AKR1B10: variants seen among roughly 807,000 people sequenced by gnomAD.
AKR1B10 encodes the protein aldo-keto reductase family 1 member B10.
A neutral mutation model predicts 38.9 loss-of-function variants in AKR1B10; 39 were observed. The observed-to-expected ratio is 1.00, with a 90% CI of 0.78 to 1.31. The LOEUF (loss-of-function observed/expected upper bound fraction) is 1.31, where lower values mean the gene tolerates loss of function less well. Ranked by LOEUF, AKR1B10 falls within the 50% of genes most tolerant of loss-of-function variation. The pLI, the probability that AKR1B10 is intolerant of heterozygous loss-of-function variation, is 0.00. For missense variants in AKR1B10, 361 were observed against 382.6 expected, an observed-to-expected ratio of 0.94 and a Z score of 0.47; for synonymous variants, 148 against 141.2, an observed-to-expected ratio of 1.05 and a Z score of -0.34.
chr7:134,531,066 G>A (rs1008151182), intron 2 of AKR1B10, among the ~76,000 whole-genome samples: 2 of 152,184 alleles, frequency 1.3e-5, no homozygotes, highest in Non-Finnish European at 1.5e-5. Flanking sequence ...ACTGCCCTGG[G>A]CCTCCCTGTT....
At chr7:134,535,608 T>TTTA in intron 4 of AKR1B10, 34 of 880,672 alleles carry the variant, frequency 3.9e-5, no homozygotes, top group Non-Finnish European at 4.0e-5. Context: ...TTTTTTTTTT[T>TTTA]CTTTTGAGGC....
chr7:134,527,726 A>AC lies in AKR1B10; in HGVS notation c.-186_-185insC. ...CTGGGAGTCACGGTGGGCGCCTGTA[A>AC]TCCCAGCTACTCGGGAGGCTGAGGC... On this transcript the variant is annotated 5_prime_UTR_variant, in exon 1 of 10. Coordinates refer to ENST00000359579, the MANE Select transcript of AKR1B10 (RefSeq NM_020299.5). 1 of 523,260 alleles carries AC rather than the reference A, an allele frequency of 1.9e-6. No homozygotes were observed. Among genetic ancestry groups the AC allele is most frequent in the South Asian group, 3.9e-5 (1 of 25,920 alleles). 32.4% of individuals were successfully genotyped at this position (523,260 alleles called of 1,614,324 possible). A position where few individuals can be genotyped will look rare whatever the true frequency, so the allele number is the denominator to read the frequency against.
chr7:134,534,004 A>G (rs1229837974), intron 4 of AKR1B10, among the ~76,000 whole-genome samples: 1 of 152,200 alleles, frequency 6.6e-6, no homozygotes, highest in Non-Finnish European at 1.5e-5. Flanking sequence ...ATTGTGTTTT[A>G]CAAGCAAAAA....
Position 134,530,702 on chromosome 7 carries a change from C to T in AKR1B10, c.126C>T (p.His42=), listed in dbSNP as rs758097269. The T allele has an allele frequency of 6.8e-6, 11 of 1,614,120 alleles. No individual in the cohort carries two copies. The Admixed American group carries it at 1.5e-4, about 22-fold the overall frequency. Reference sequence around the variant, plus strand: ...TGGCCATTGATGCAGGATATCGGCACATTGACTGTGCCTATGTCTATCAGA... The same window carrying T: ...TGGCCATTGATGCAGGATATCGGCATATTGACTGTGCCTATGTCTATCAGA... ...VKVAIDAGYR[H]IDCAYVYQNE... Residue 42 remains histidine (H), a synonymous_variant, in exon 2 of 10, where the codon CAC becomes CAT. Transcript: ENST00000359579.
At position 134,533,101 on chromosome 7, in the gene AKR1B10, T is replaced by C; in HGVS notation, c.429+20T>C. On this transcript the variant is annotated intron_variant, in intron 4 of 9. Transcript: ENST00000359579. ...TGGGAGGTAGGTTCCCAGCTTCCTC[T>C]AAGTGTGCTGGGAGAGAAATCTTCA... 1 of 1,573,110 alleles carries C rather than the reference T, an allele frequency of 6.4e-7. No homozygotes were observed. The highest frequency in any genetic ancestry group is 8.6e-7 in the Non-Finnish European group (1 of 1,160,478).
In AKR1B10 at chr7:134,527,920, G is replaced by A. The variant is rs2005412; in HGVS notation, c.9G>A (p.Thr3=). 1.1e-5 allele frequency: 18 copies of A among 1,613,484 alleles called. No individual in the cohort carries two copies. Among genetic ancestry groups the A allele is most frequent in the East Asian group, 2.2e-5 (1 of 44,874 alleles). ...TCATTTCTGCACCAACCATGGCCAC[G>A]TTTGTGGAGCTCAGTACCAAAGCCA... The part of the protein sequence containing the change: MA[T]FVELSTKAKM... The change falls in exon 1 of 10, where the codon ACG becomes ACA. Residue 3 remains threonine (T), a synonymous_variant. Coordinates refer to ENST00000359579, the MANE Select transcript of AKR1B10 (RefSeq NM_020299.5).
chr7:134,539,198 C>T (rs934750327), intron 9 of AKR1B10, 181 bp downstream of exon 9: 4 of 662,772 alleles, frequency 6.0e-6, no homozygotes, highest in Admixed American at 5.7e-5. Context: ...TCTCTAATTG[C>T]TGCTCATTGT....
At chr7:134,535,192 G>A (rs1453732747) in intron 4 of AKR1B10, among the ~76,000 whole-genome samples, 2 of 152,064 alleles carry the variant, frequency 1.3e-5, no homozygotes, top group Non-Finnish European at 2.9e-5. Flanking sequence ...TGCCCAGGAT[G>A]GTCTCCAACA....
intron 9 of AKR1B10, 75 bp downstream of exon 9, chr7:134,539,092 G>T: frequency 6.4e-7 from 1 of 1,573,692 alleles, no homozygotes; most frequent in South Asian, 1.1e-5. Flanking sequence ...TGGAAGGATT[G>T]GAAGGCTGCT....
chr7:134,531,929 A>G lies in AKR1B10; in HGVS notation c.256A>G (p.Arg86Gly). Reference protein sequence around the residue: ...VSKLWPTFFERPLVRKAFEKT... With the variant: ...VSKLWPTFFEGPLVRKAFEKT... ...GCAGTTGTGGCCCACTTTCTTTGAG[A>G]GACCCCTTGTGAGGAAAGCCTTTGA... is the stretch of plus-strand genomic sequence containing the variant. Residue 86 changes from arginine (R) to glycine (G), a missense_variant, in exon 3 of 10, where the codon AGA becomes GGA. By Grantham distance (125) the Arg-to-Gly change is moderately radical (BLOSUM62 -2). Transcript: ENST00000359579. 1.2e-6 allele frequency: 2 copies of G among 1,614,124 alleles called. No homozygotes were observed. Among genetic ancestry groups the G allele is most frequent in the Non-Finnish European group, 1.7e-6 (2 of 1,179,972 alleles).
intron 9 of AKR1B10, 117 bp from the exon 10 acceptor site, chr7:134,540,930 G>A: frequency 2.7e-6 from 2 of 734,426 alleles, no homozygotes; most frequent in Non-Finnish European, 4.6e-6. Flanking sequence ...TTGCAGGGAG[G>A]AGGCTAAGAG....
chr7:134,538,669 G>A (rs1808075720), intron 8 of AKR1B10, among the ~76,000 whole-genome samples: 1 of 152,158 alleles, frequency 6.6e-6, no homozygotes, highest in African/African-American at 2.4e-5. Flanking sequence ...CACCTGTCAT[G>A]GAGCACAGGG....
At chr7:134,531,110 C>G (rs974335027) in intron 2 of AKR1B10, among the ~76,000 whole-genome samples, 4 of 152,166 alleles carry the variant, frequency 2.6e-5, no homozygotes, top group African/African-American at 9.7e-5. Context: ...TGCCCAGAGG[C>G]AATCAGAGGC....
In AKR1B10 at chr7:134,540,906, C is replaced by A. The variant is rs573146010; in HGVS notation, c.909-141C>A. On this transcript the variant is annotated intron_variant, in intron 9 of 9. Transcript: ENST00000359579. ...TTGAGGGAAGGTCAAAGTGTGGGCA[C>A]CCTCCTTATGTTCTTGCAGGGAGGA... The A allele has an allele frequency of 6.8e-5, 45 of 661,958 alleles. No homozygotes were observed. The East Asian group carries it at 1.0e-3, about 15-fold the overall frequency. The allele number at this position is 661,958 out of a possible 1,614,324, so 41.0% of individuals were successfully genotyped here.
At chr7:134,538,124 T>C in intron 7 of AKR1B10, 70 bp from the exon 8 acceptor site, 1 of 1,396,752 alleles carries the variant, frequency 7.2e-7, no homozygotes, top group Non-Finnish European at 1.0e-6. Context: ...AGAGATGTTT[T>C]ATTCTTCCTT....
chr7:134,536,936 C>T, intron 5 of AKR1B10, 115 bp from the exon 6 acceptor site: 1 of 1,583,624 alleles, frequency 6.3e-7, no homozygotes, highest in Non-Finnish European at 8.6e-7. Flanking sequence ...GCAAGTATCT[C>T]AGTGGGCAGG....
In AKR1B10 at chr7:134,530,771, G is replaced by T. The variant is rs1482492767; in HGVS notation, c.195G>T (p.Glu65Asp). 5 of 1,613,938 alleles carry T rather than the reference G, an allele frequency of 3.1e-6. No individual in the cohort carries two copies. The highest frequency in any genetic ancestry group is 3.4e-6 in the Non-Finnish European group (4 of 1,179,886). The change falls in exon 2 of 10, where the codon GAG becomes GAT. Residue 65 changes from glutamate (E) to aspartate (D), a missense_variant. Around this residue, in one of 3 missense-constraint regions of AKR1B10, gnomAD observed 220 missense variants for 216.1 expected, o/e 1.02. Coordinates refer to ENST00000359579, the MANE Select transcript of AKR1B10 (RefSeq NM_020299.5). ...AAGCCATCCAAGAGAAGATCCAAGA[G>T]AAGGCTGTGAAGCGGGAGGACCTGT... ...VGEAIQEKIQ[E>D]KAVKREDLFI...
At chr7:134,528,838 C>T (rs1157557720) in intron 1 of AKR1B10, among the ~76,000 whole-genome samples, 1 of 152,176 alleles carries the variant, frequency 6.6e-6, no homozygotes, top group African/African-American at 2.4e-5. Context: ...TTAACAAGAT[C>T]CCTACGTGGT....
intron 1 of AKR1B10, among the ~76,000 whole-genome samples, chr7:134,528,409 C>T (rs1807751992): frequency 6.6e-6 from 1 of 152,106 alleles, no homozygotes; most frequent in African/African-American, 2.4e-5. Flanking sequence ...AGCAGCATCC[C>T]TATGACCTGG....
Sources: allele counts gnomAD v4.1 joint callset (sites outside exome capture counted in the v4.1 genomes callset), GRCh38; gene constraint gnomAD v4.1.1; regional missense constraint gnomAD v4.1.1; transcripts MANE v1.5; gene names NCBI Gene and HGNC (gene_info 2026-07-23, HGNC 2026-07-21).